SARAF: variants seen among roughly 807,000 people sequenced by gnomAD.
SARAF encodes the protein store-operated calcium entry associated regulatory factor.
Under a neutral mutation model 39.7 loss-of-function variants are expected in SARAF, and 23 were observed. The ratio of observed to expected loss-of-function variants is 0.58; its 90% CI spans 0.42 to 0.82. The LOEUF is 0.82. Among genes scored for constraint, SARAF ranks in the 40% least tolerant of loss-of-function variants. The pLI, the probability that SARAF is intolerant of heterozygous loss-of-function variation, is 0.00. For missense variants in SARAF, 384 were observed against 418.5 expected, an observed-to-expected ratio of 0.92 and a Z score of 0.72; for synonymous variants, 175 against 168.5, an observed-to-expected ratio of 1.04 and a Z score of -0.30.
chr8:30,069,133 CATTTT>C (rs1801766818), intron 3 of SARAF, among the ~76,000 whole-genome samples: 1 of 94,512 alleles, frequency 1.1e-5, no homozygotes. Context: ...TTTAATCAGG[CATTTT>C]TTTTTTTTTT....
rs376571262 is a variant in SARAF at position 30,069,629 on chromosome 8, G to A, written c.700+13C>T. The A allele has an allele frequency of 5.9e-5, 95 of 1,611,630 alleles. No homozygotes were observed. Among genetic ancestry groups the A allele is most frequent in the Non-Finnish European group, 5.4e-5 (64 of 1,178,696 alleles). ...CACCCGCTCTATTTATGGCCACTGC[G>A]AGGGAAACATACCTGTGAACTCAGA... On this transcript the variant is annotated intron_variant, in intron 3 of 5. Coordinates refer to ENST00000256255, the MANE Select transcript of SARAF (RefSeq NM_016127.6).
chr8:30,073,565 C>T (rs940877750), intron 2 of SARAF: 8 of 221,842 alleles, frequency 3.6e-5, no homozygotes, highest in Non-Finnish European at 7.1e-5. Flanking sequence ...CTTTGAGGAA[C>T]GACAGGAAAA....
intron 1 of SARAF, among the ~76,000 whole-genome samples, chr8:30,078,055 G>A (rs190400475): frequency 2.1e-5 from 3 of 144,656 alleles, no homozygotes. Flanking sequence ...CAGGAGAATC[G>A]CTTGAACCCG....
rs1801604965 is a variant in SARAF, at chr8:30,063,585, G to A, written c.*303C>T. 1 of 407,006 alleles carries A rather than the reference G, an allele frequency of 2.5e-6. No individual in the cohort carries two copies. Among genetic ancestry groups the A allele is most frequent in the African/African-American group, 2.1e-5 (1 of 48,436 alleles). 25.2% of individuals were successfully genotyped at this position (407,006 alleles called of 1,614,324 possible). A position where few individuals can be genotyped will look rare whatever the true frequency, so the allele number is the denominator to read the frequency against. ...TTAGTACAACACCTTCATTCTTAAT[G>A]CTTCTTAGGGCATCACAGGTTTTAG... is the stretch of plus-strand genomic sequence containing the variant. On this transcript the variant is annotated 3_prime_UTR_variant, in exon 6 of 6. Transcript: ENST00000256255.
At position 30,064,534 on chromosome 8, in the gene SARAF, C is replaced by CAT. The variant is rs71204255; in HGVS notation, c.995-623_995-622dup. ...TTTCTGTCATGATGTCTTACCTAGC[C>CAT]ATATATATATATATATATATATATA... On this transcript the variant is annotated intron_variant, in intron 5 of 5. Transcript: ENST00000256255. Among the ~76,000 whole-genome samples the CAT allele has an allele frequency of 1.0e-3, 80 of 78,222 alleles. 2 individuals are homozygous for CAT. The highest frequency in any genetic ancestry group is 4.2e-3 in the African/African-American group (74 of 17,556). The allele number at this position is 78,222 out of a possible 152,430, so 51.3% of individuals were successfully genotyped here. A position where few individuals can be genotyped will look rare whatever the true frequency, so the allele number is the denominator to read the frequency against.
chr8:30,082,307 C>G (rs1356859777), intron 1 of SARAF: 1 of 149,232 alleles, frequency 6.7e-6, no homozygotes, highest in Non-Finnish European at 1.5e-5. Context: ...CATTGCAGTG[C>G]GGCCGGGGCG....
In SARAF at chr8:30,064,545, A is replaced by T. The variant is rs1563349789; in HGVS notation, c.995-632T>A. On this transcript the variant is annotated intron_variant, in intron 5 of 5. Coordinates refer to ENST00000256255, the MANE Select transcript of SARAF (RefSeq NM_016127.6). The stretch of plus-strand genomic sequence containing the variant: ...ATGTCTTACCTAGCCATATATATAT[A>T]TATATATATATATATATTTTTTTTT... Among the ~76,000 whole-genome samples the T allele has an allele frequency of 6.7e-4, 22 of 32,958 alleles. 1 individual carries two copies. The highest frequency in any genetic ancestry group is 0.013 in the Middle Eastern group (1 of 80). The allele number at this position is 32,958 out of a possible 152,430, so 21.6% of individuals were successfully genotyped here.
Position 30,082,983 on chromosome 8 carries a change from C to G in SARAF, c.-34G>C. On this transcript the variant is annotated 5_prime_UTR_variant, in exon 1 of 6. Transcript: ENST00000256255. ...ATGAAGATGGCGCCGGGCTGCCAGA[C>G]GCCTACGGGCCGAACCTGGGTGCGG... 2 of 1,504,224 alleles carry G rather than the reference C, an allele frequency of 1.3e-6. No homozygotes were observed. The highest frequency in any genetic ancestry group is 1.8e-6 in the Non-Finnish European group (2 of 1,115,382). 93.2% of individuals were successfully genotyped at this position (1,504,224 alleles called of 1,614,324 possible).
At chr8:30,068,751 C>T (rs990335184) in intron 3 of SARAF, among the ~76,000 whole-genome samples, 7 of 152,028 alleles carry the variant, frequency 4.6e-5, no homozygotes, top group South Asian at 2.1e-4. Flanking sequence ...TATGTTCTAC[C>T]GGAAATACAT....
intron 1 of SARAF, chr8:30,078,180 GA>G (rs71204259): frequency 0.61 from 174,144 of 284,976 alleles, 41,528 homozygotes; most frequent in Middle Eastern, 0.69. Flanking sequence ...ACAGTAGGAG[GA>G]AAAAAAAAAA....
At chr8:30,068,341 G>A (rs1230019458) in intron 3 of SARAF, among the ~76,000 whole-genome samples, 1 of 152,170 alleles carries the variant, frequency 6.6e-6, no homozygotes, top group Non-Finnish European at 1.5e-5. Flanking sequence ...GATCTAGGTT[G>A]CATGCTCCTT....
intron 4 of SARAF, among the ~76,000 whole-genome samples, chr8:30,066,373 C>T (rs1460630543): frequency 2.0e-5 from 3 of 152,108 alleles, no homozygotes; most frequent in Non-Finnish European, 4.4e-5. Flanking sequence ...AATTTGCACT[C>T]GAATAAAATC....
At chr8:30,075,260 A>G (rs1801931924) in intron 1 of SARAF, among the ~76,000 whole-genome samples, 1 of 150,906 alleles carries the variant, frequency 6.6e-6, no homozygotes. Flanking sequence ...AGATCACACC[A>G]TTGCACTCCA....
intron 5 of SARAF, among the ~76,000 whole-genome samples, chr8:30,064,561 A>ATATATATATATTTTTTTTTTTTTTTT (rs1423689069): frequency 4.3e-5 from 2 of 46,236 alleles, no homozygotes; most frequent in African/African-American, 1.1e-4. Flanking sequence ...ATATATATAT[A>ATATATATATATTTTTTTTTTTTTTTT]TTTTTTTTTT....
intron 1 of SARAF, among the ~76,000 whole-genome samples, chr8:30,079,190 A>C (rs1021700134): frequency 6.6e-6 from 1 of 151,588 alleles, no homozygotes; most frequent in Non-Finnish European, 1.5e-5. Flanking sequence ...GATTATAATC[A>C]AAATAGTAGG....
Position 30,066,787 on chromosome 8 carries a change from C to G in SARAF, c.832G>C (p.Gly278Arg). The G allele has an allele frequency of 6.2e-7, 1 of 1,614,068 alleles. No individual in the cohort carries two copies. The highest frequency in any genetic ancestry group is 2.2e-5 in the East Asian group (1 of 44,868). ...GTGGILGYLF[G>R]SNRAATPFSD... is the part of the protein sequence containing the mutation. Reference sequence around the variant, plus strand: ...ATGCAAAAAGCTTACCTATTGCTGCCAAACAAATATCCTAGTATTCCACCA... The same window carrying G: ...ATGCAAAAAGCTTACCTATTGCTGCGAAACAAATATCCTAGTATTCCACCA... The change falls in exon 4 of 6, where the codon GGC (glycine) becomes CGC (arginine). Residue 278 changes from glycine (G) to arginine (R), a missense_variant. By Grantham distance (125) the Gly-to-Arg change is moderately radical. Coordinates refer to ENST00000256255, the MANE Select transcript of SARAF (RefSeq NM_016127.6).
chr8:30,073,489 A>G (rs557832912), intron 2 of SARAF, among the ~76,000 whole-genome samples: 1 of 152,006 alleles, frequency 6.6e-6, no homozygotes, highest in Non-Finnish European at 1.5e-5. Flanking sequence ...AGATATATGA[A>G]CCCCTACTAT....
At chr8:30,075,370 T>G (rs1021610558) in intron 1 of SARAF, among the ~76,000 whole-genome samples, 1 of 152,168 alleles carries the variant, frequency 6.6e-6, no homozygotes, top group African/African-American at 2.4e-5. Flanking sequence ...ATTTATCATG[T>G]TGTGGATTAT....
rs1801603986 is a variant in SARAF at position 30,063,538 on chromosome 8, A to G, written c.*350T>C. 3.7e-6 allele frequency: 1 copy of G among 269,516 alleles called. No individual in the cohort carries two copies. The highest frequency in any genetic ancestry group is 6.5e-5 in the South Asian group (1 of 15,306). 16.7% of individuals were successfully genotyped at this position (269,516 alleles called of 1,614,324 possible). ...ATCAGCTACAACCACCTAAAACTGA[A>G]ATTTTCTGTACTTAGTTTCTATTAG... On this transcript the variant is annotated 3_prime_UTR_variant, in exon 6 of 6. Transcript: ENST00000256255.
Sources: allele counts gnomAD v4.1 joint callset (sites outside exome capture counted in the v4.1 genomes callset), GRCh38; gene constraint gnomAD v4.1.1; transcripts MANE v1.5; gene names NCBI Gene and HGNC (gene_info 2026-07-23, HGNC 2026-07-21).